UBE2D2: variants seen among roughly 807,000 people sequenced by gnomAD.
UBE2D2 encodes ubiquitin-conjugating enzyme E2 D2.
Under a neutral mutation model 24.2 loss-of-function variants are expected in UBE2D2, and 2 were observed. That is an observed-to-expected ratio of 0.08 (90% CI 0.03 to 0.26). The LOEUF is 0.26. Ranked by LOEUF, UBE2D2 falls within the 10% of genes least tolerant of loss-of-function variation. UBE2D2 has a pLI of 1.00. For synonymous variants in UBE2D2, 58 were observed against 56.5 expected (o/e 1.03, Z -0.12); for missense variants, 44 against 177.6 (o/e 0.25, Z 4.28).
At chr5:139,598,999 G>A (rs1443849612) in intron 1 of UBE2D2, among the ~76,000 whole-genome samples, 2 of 139,684 alleles carry the variant, frequency 1.4e-5, no homozygotes, top group Non-Finnish European at 3.0e-5. Flanking sequence ...CATGATCTTG[G>A]CTCACTGCAA....
At chr5:139,548,190 AAAAAAAT>A (rs1752862234) in intron 1 of UBE2D2, among the ~76,000 whole-genome samples, 1 of 47,262 alleles carries the variant, frequency 2.1e-5, no homozygotes, top group African/African-American at 3.2e-4. Flanking sequence ...AAAATAAAAA[AAAAAAAT>A]AAATAAATAA....
intron 1 of UBE2D2, among the ~76,000 whole-genome samples, chr5:139,595,889 G>GTTTTTTTTTTTTTTTTTTT (rs1561514902): frequency 8.8e-6 from 1 of 113,012 alleles, no homozygotes; most frequent in African/African-American, 3.6e-5. Flanking sequence ...TTTGTTTTTT[G>GTTTTTTTTTTTTTTTTTTT]TTGTTTTTTT....
At chr5:139,586,550 G>A (rs756811137) in intron 1 of UBE2D2, among the ~76,000 whole-genome samples, 15 of 152,148 alleles carry the variant, frequency 9.9e-5, no homozygotes, top group Admixed American at 2.0e-4. Context: ...CGGATCACGA[G>A]GTCAGGAGAT....
chr5:139,615,213 C>G (rs184008040), intron 5 of UBE2D2, among the ~76,000 whole-genome samples: 9 of 152,166 alleles, frequency 5.9e-5, no homozygotes, highest in East Asian at 5.8e-4. Context: ...GGCCTGGTGC[C>G]GTGGCTCATG....
At chr5:139,549,285 C>T (rs1242128352) in intron 1 of UBE2D2, among the ~76,000 whole-genome samples, 2 of 152,190 alleles carry the variant, frequency 1.3e-5, no homozygotes, top group Non-Finnish European at 1.5e-5. Context: ...CTGCGGGAGC[C>T]CCTCTCTGGG....
At chr5:139,544,791 C>CT (rs1237420937) in intron 1 of UBE2D2, among the ~76,000 whole-genome samples, 1 of 143,398 alleles carries the variant, frequency 7.0e-6, no homozygotes, top group Non-Finnish European at 1.5e-5. Context: ...TTTTTTTTTT[C>CT]TTTTTTTAGA....
chr5:139,573,702 G>T (rs1228679901), intron 1 of UBE2D2, among the ~76,000 whole-genome samples: 1 of 152,128 alleles, frequency 6.6e-6, no homozygotes, highest in African/African-American at 2.4e-5. Context: ...GGGCGCAGTG[G>T]CTCAAGCTTG....
rs372309946 is a variant in UBE2D2, at chr5:139,571,807, CTCCT to C, written c.24+10002_24+10005del. Among the ~76,000 whole-genome samples, 129 of 151,244 alleles carry C rather than the reference CTCCT, an allele frequency of 8.5e-4. No individual in the cohort carries two copies. The East Asian group carries it at 0.021, about 24-fold the overall frequency. On this transcript the variant is annotated intron_variant, in intron 1 of 6. Transcript: ENST00000398733. The stretch of plus-strand genomic sequence containing the variant: ...CCTCCTTCCCTCACTCACTTCCTCC[CTCCT>C]TCCTTCCTTTTTCCTTTTCTTGTTT...
chr5:139,574,009 C>T (rs1395672691), intron 1 of UBE2D2, among the ~76,000 whole-genome samples: 3 of 151,188 alleles, frequency 2.0e-5, no homozygotes, highest in African/African-American at 7.3e-5. Flanking sequence ...TGTCTCTCTC[C>T]TAGATATAAG....
chr5:139,584,576 A>G (rs1416540584), intron 1 of UBE2D2, among the ~76,000 whole-genome samples: 1 of 131,036 alleles, frequency 7.6e-6, no homozygotes, highest in East Asian at 2.2e-4. Context: ...CTTGTTGCCC[A>G]GTCTGGAGTG....
chr5:139,591,174 T>C (rs1446787310), intron 1 of UBE2D2, among the ~76,000 whole-genome samples: 5 of 149,980 alleles, frequency 3.3e-5, no homozygotes, highest in South Asian at 4.2e-4. Flanking sequence ...CAGGCTGGAG[T>C]GCATGGTGCA....
intron 2 of UBE2D2, among the ~76,000 whole-genome samples, chr5:139,613,100 G>A (rs971575024): frequency 2.0e-5 from 3 of 152,182 alleles, no homozygotes; most frequent in Admixed American, 2.0e-4. Flanking sequence ...TCTAAGGAAG[G>A]GAGCCTCAGC....
rs554751611 is a variant in UBE2D2 at position 139,534,998 on chromosome 5, G to T, written c.-64+8386G>T. Among the ~76,000 whole-genome samples the T allele has an allele frequency of 7.9e-5, 12 of 151,886 alleles. No individual in the cohort carries two copies. The South Asian group carries it at 2.5e-3, about 32-fold the overall frequency. ...TGCTAAAAATAGAAAAATTAGCCAG[G>T]TTTGGTGGTACATGCCTGTAGTCCC... On this transcript the variant is annotated intron_variant, in intron 1 of 6. Transcript: ENST00000511725.
At chr5:139,535,682 T>C (rs968008499) in intron 1 of UBE2D2, among the ~76,000 whole-genome samples, 6 of 152,146 alleles carry the variant, frequency 3.9e-5, no homozygotes, top group Admixed American at 2.6e-4. Context: ...TATGGAAGGC[T>C]ATGCCCCTAT....
In UBE2D2 at chr5:139,589,967, G is replaced by A. The variant is rs1225728341; in HGVS notation, c.25-10405G>A. Among the ~76,000 whole-genome samples the A allele has an allele frequency of 2.0e-5, 3 of 152,036 alleles. No individual in the cohort carries two copies. In the East Asian group the frequency reaches 5.8e-4, roughly 29 times the overall value. On this transcript the variant is annotated intron_variant, in intron 1 of 6. Transcript: ENST00000398733. ...ACCCGGCTAATTTTTTGTGTTTTTA[G>A]TAGAGACGGGGTTTCACTGTGTTAG...
chr5:139,567,538 T>TG (rs933907873), intron 1 of UBE2D2, among the ~76,000 whole-genome samples: 3 of 142,892 alleles, frequency 2.1e-5, no homozygotes, highest in African/African-American at 7.9e-5. Context: ...AGTTTTTTTT[T>TG]TTTTTTTTTT....
At position 139,627,468 on chromosome 5, in the gene UBE2D2, T is replaced by C. The variant is rs1318213089; in HGVS notation, c.*667T>C. The C allele has an allele frequency of 6.5e-6, 1 of 152,732 alleles. No homozygotes were observed. Among genetic ancestry groups the C allele is most frequent in the East Asian group, 1.9e-4 (1 of 5,206 alleles). The allele number at this position is 152,732 out of a possible 1,614,324, so 9.5% of individuals were successfully genotyped here. ...TGGCCTTTCAGCCCTTCTTTCTCTC[T>C]TCCATATTCTTTGGTTTGTATGTGG... On this transcript the variant is annotated 3_prime_UTR_variant, in exon 7 of 7. Coordinates refer to ENST00000398733, the MANE Select transcript of UBE2D2 (RefSeq NM_003339.3).
chr5:139,560,364 A>C (rs542970321), upstream of UBE2D2, among the ~76,000 whole-genome samples: 1 of 152,072 alleles, frequency 6.6e-6, no homozygotes, highest in East Asian at 1.9e-4. Flanking sequence ...TGCCCGGGTA[A>C]TTTTTGTATA....
chr5:139,619,994 A>G (rs1205770418), intron 5 of UBE2D2, among the ~76,000 whole-genome samples: 1 of 152,198 alleles, frequency 6.6e-6, no homozygotes, highest in East Asian at 1.9e-4. Flanking sequence ...CCTGTCTCAC[A>G]TGGCAGTAGC....
Sources: gnomAD v4.1 joint callset for allele counts (sites outside exome capture counted in the v4.1 genomes callset) on GRCh38, gnomAD v4.1.1 for gene constraint, MANE v1.5 for transcripts, NCBI Gene and HGNC (gene_info 2026-07-23, HGNC 2026-07-21) for gene names.